Variants in ADCK2 observed in about 807,000 individuals in gnomAD.
ADCK2 encodes the protein uncharacterized aarF domain-containing protein kinase 2.
Under a neutral mutation model 52.3 loss-of-function variants are expected in ADCK2, and 37 were observed. The ratio of observed to expected loss-of-function variants is 0.71; its 90% CI spans 0.54 to 0.93. The LOEUF (loss-of-function observed/expected upper bound fraction) is 0.93. Among genes scored for constraint, ADCK2 ranks in the 40% least tolerant of loss-of-function variants. The pLI is 0.00. For synonymous variants in ADCK2, 321 were observed against 349.2 expected (o/e 0.92, Z 0.90); for missense variants, 695 against 798.7 (o/e 0.87, Z 1.56).
At position 140,673,672 on chromosome 7, in the gene ADCK2, A is replaced by ACTC; in HGVS notation, c.346_348dup (p.Leu116dup). On this transcript the variant is annotated inframe_insertion, in exon 1 of 8. Coordinates refer to ENST00000072869, the MANE Select transcript of ADCK2 (RefSeq NM_052853.4). The surrounding 1 kb of genome is among the most constrained non-coding windows in gnomAD (Gnocchi z 6.4). Reference sequence around the variant, plus strand: ...TGTTGGTGAAATTCTTCCCCCTCCTACTCCTCTACCCCCTCACCTACCTGG... The same window carrying ACTC: ...TGTTGGTGAAATTCTTCCCCCTCCTACTCCTCCTCTACCCCCTCACCTACCTGG... The ACTC allele has an allele frequency of 6.3e-7, 1 of 1,599,636 alleles. No homozygotes were observed. Among genetic ancestry groups the ACTC allele is most frequent in the Non-Finnish European group, 8.5e-7 (1 of 1,175,966 alleles).
At chr7:140,676,150 A>G (rs1398617600) in intron 2 of ADCK2, among the ~76,000 whole-genome samples, 2 of 152,230 alleles carry the variant, frequency 1.3e-5, no homozygotes, top group African/African-American at 4.8e-5. Flanking sequence ...AGGCATCGGC[A>G]GATTCGATGT....
At chr7:140,681,277 A>T in intron 4 of ADCK2, 140 bp downstream of exon 4, 1 of 709,818 alleles carries the variant, frequency 1.4e-6, no homozygotes, top group Non-Finnish European at 2.4e-6. Context: ...GTCTAGAAAG[A>T]GTGGAGGCTA....
In ADCK2 at chr7:140,674,005, G is replaced by T. The variant is rs1255519887; in HGVS notation, c.675G>T (p.Glu225Asp). ...CATACGCCAACACTGCCTTCCTGGA[G>T]ACTGACAGCGTCCAGAGACTTGGCA... Reference protein sequence around the residue: ...YKAYANTAFLETDSVQRLGRA... With the variant: ...YKAYANTAFLDTDSVQRLGRA... The change falls in exon 1 of 8, where the codon GAG becomes GAT. Residue 225 changes from glutamate to aspartate, a missense_variant. Coordinates refer to ENST00000072869, the MANE Select transcript of ADCK2 (RefSeq NM_052853.4). This position sits in a 1 kb window ranked among gnomAD's most constrained non-coding sequence, Gnocchi z 4.6. 1 of 1,614,016 alleles carries T rather than the reference G, an allele frequency of 6.2e-7. No homozygotes were observed. The highest frequency in any genetic ancestry group is 1.3e-5 in the African/African-American group (1 of 74,936).
In ADCK2 at chr7:140,693,518, T is replaced by C. The variant is rs563073240; in HGVS notation, c.1741-1145T>C. 1.6e-4 allele frequency among the ~76,000 whole-genome samples: 24 copies of C among 152,368 alleles called. 1 individual carries two copies. The South Asian group carries it at 5.0e-3, about 32-fold the overall frequency. ...TCTTCTAGGTTTACATCTGGCTCTA[T>C]TCCTCCTCACTCAGTGGCCTTGAGC... On this transcript the variant is annotated intron_variant, in intron 7 of 7. Transcript: ENST00000072869. This position sits in a 1 kb window ranked among gnomAD's most constrained non-coding sequence, Gnocchi z 4.0.
intron 3 of ADCK2, among the ~76,000 whole-genome samples, chr7:140,680,123 G>T (rs1794490783): frequency 6.6e-6 from 1 of 151,902 alleles, no homozygotes; most frequent in African/African-American, 2.4e-5. Context: ...GGGATAACAA[G>T]ATCTATCTCC....
At chr7:140,687,578 G>A (rs1794626667) in intron 5 of ADCK2, among the ~76,000 whole-genome samples, 1 of 152,140 alleles carries the variant, frequency 6.6e-6, no homozygotes, top group Non-Finnish European at 1.5e-5. Flanking sequence ...GCCAGGCATG[G>A]TGGTGTGTAC....
In ADCK2 at chr7:140,674,131, C is replaced by G. The variant is rs1801690509; in HGVS notation, c.801C>G (p.Leu267=). The G allele has an allele frequency of 1.2e-6, 2 of 1,613,982 alleles. No homozygotes were observed. The highest frequency in any genetic ancestry group is 1.7e-6 in the Non-Finnish European group (2 of 1,180,030). Residue 267 remains leucine, a synonymous_variant, in exon 1 of 8, where the codon CTC becomes CTG. Transcript: ENST00000072869. The surrounding 1 kb of genome is among the most constrained non-coding windows in gnomAD (Gnocchi z 4.6). ...ATGGCCGGAAACCTCCAGAAAATCT[C>G]GCAGACCAGTCGTTTCTAGAAAGGC... The part of the protein sequence containing the change: ...LGNGRKPPEN[L]ADQSFLERLL...
intron 2 of ADCK2, among the ~76,000 whole-genome samples, chr7:140,675,419 A>G (rs1167599934): frequency 6.6e-6 from 1 of 152,188 alleles, no homozygotes; most frequent in East Asian, 1.9e-4. Flanking sequence ...TGCTGAGATG[A>G]CAGAACTAAG....
intron 7 of ADCK2, among the ~76,000 whole-genome samples, chr7:140,691,874 C>T (rs1307656418): frequency 6.6e-6 from 1 of 152,236 alleles, no homozygotes; most frequent in East Asian, 1.9e-4. Context: ...GTCCTCCCGC[C>T]TCCGTGGCTC....
Position 140,681,048 on chromosome 7 carries a change from G to A in ADCK2, c.1216G>A (p.Val406Met). 6.2e-7 allele frequency: 1 copy of A among 1,614,112 alleles called. No individual in the cohort carries two copies. Among genetic ancestry groups the A allele is most frequent in the South Asian group, 1.1e-5 (1 of 91,080 alleles). Residue 406 changes from valine to methionine, a missense_variant, in exon 4 of 8, where the codon GTG becomes ATG. Physicochemically the swap from Val to Met is conservative, Grantham distance 21 (BLOSUM62 1). Coordinates refer to ENST00000072869, the MANE Select transcript of ADCK2 (RefSeq NM_052853.4). ...CTCCCTGGTCTTTCTGAAGGAGAGT[G>A]TGCCTGTGTCCAGTTACCAGCAGGC... ...EVLVETYEES[V>M]PVSSYQQAGI... is the part of the protein sequence containing the mutation.
chr7:140,678,543 G>A lies in ADCK2; in HGVS notation c.1081-612G>A, dbSNP rs1203045236. Among the ~76,000 whole-genome samples, 1 of 152,192 alleles carries A rather than the reference G, an allele frequency of 6.6e-6. No individual in the cohort carries two copies. Among genetic ancestry groups the A allele is most frequent in the Non-Finnish European group, 1.5e-5 (1 of 68,026 alleles). On this transcript the variant is annotated intron_variant, in intron 2 of 7. Transcript: ENST00000072869. The surrounding 1 kb of genome is among the most constrained non-coding windows in gnomAD (Gnocchi z 4.9). ...AGACCCAGCCAAGACAGGACAGCGA[G>A]AGGCAGCAGGGGTGCCAGGAGAGTG...
intron 3 of ADCK2, 149 bp from the exon 4 acceptor site, chr7:140,680,893 C>T (rs1014015641): frequency 5.8e-6 from 4 of 689,504 alleles, no homozygotes; most frequent in Non-Finnish European, 1.0e-5. Context: ...CTGCACATGG[C>T]TGAATGACAG....
In ADCK2 at chr7:140,694,867, T is replaced by A. The variant is rs1794773259; in HGVS notation, c.*64T>A. 19 of 1,534,506 alleles carry A rather than the reference T, an allele frequency of 1.2e-5. No individual in the cohort carries two copies. The highest frequency in any genetic ancestry group is 1.7e-5 in the Non-Finnish European group (19 of 1,143,358). ...AGGCCACTCCCAAGAGCCTCTCCTATGGCAGCTGGGACGTTTTAAAATTGG... is the reference window on the plus strand; with the variant it reads ...AGGCCACTCCCAAGAGCCTCTCCTAAGGCAGCTGGGACGTTTTAAAATTGG... On this transcript the variant is annotated 3_prime_UTR_variant, in exon 8 of 8. Coordinates refer to ENST00000072869, the MANE Select transcript of ADCK2 (RefSeq NM_052853.4).
At chr7:140,691,515 C>A (rs1283262374) in intron 7 of ADCK2, among the ~76,000 whole-genome samples, 1 of 152,102 alleles carries the variant, frequency 6.6e-6, no homozygotes, top group Non-Finnish European at 1.5e-5. Flanking sequence ...TGTCCTGGTG[C>A]TTTCAGAGGC....
Position 140,689,659 on chromosome 7 carries a change from G to A in ADCK2, c.1620G>A (p.Glu540=), listed in dbSNP as rs752883985. ...GGGCCAGCGAGTGCAGGGACGTGGA[G>A]GGGTTCAAAACCGAGATGGCCATGC... ...HARASECRDV[E]GFKTEMAMLV... is the part of the protein sequence containing the mutation. Residue 540 remains glutamate, a synonymous_variant, in exon 6 of 8, where the codon GAG becomes GAA. Transcript: ENST00000072869. 6.2e-7 allele frequency: 1 copy of A among 1,613,692 alleles called. No individual in the cohort carries two copies. The highest frequency in any genetic ancestry group is 1.6e-4 in the Middle Eastern group (1 of 6,084).
At chr7:140,676,400 T>C (rs746243406) in intron 2 of ADCK2, among the ~76,000 whole-genome samples, 1 of 152,236 alleles carries the variant, frequency 6.6e-6, no homozygotes, top group Non-Finnish European at 1.5e-5. Flanking sequence ...CAGAGCAATG[T>C]AATTTGATAA....
chr7:140,694,285 AAAAT>A (rs1187479550), intron 7 of ADCK2, among the ~76,000 whole-genome samples: 3 of 152,212 alleles, frequency 2.0e-5, no homozygotes, highest in East Asian at 1.9e-4. Context: ...CCCTGTCTCT[AAAAT>A]AAATAAATAA....
chr7:140,685,014 G>T (rs998599177), intron 4 of ADCK2, among the ~76,000 whole-genome samples: 2 of 152,008 alleles, frequency 1.3e-5, no homozygotes, highest in South Asian at 2.1e-4. Flanking sequence ...TCCAGTTTTG[G>T]GGTCAGGATC....
Position 140,685,750 on chromosome 7 carries a change from C to T in ADCK2, c.1306-1240C>T, listed in dbSNP as rs377030589. On this transcript the variant is annotated intron_variant, in intron 4 of 7. Transcript: ENST00000072869. ...GGGCCCCATGTCAGCTGGAAGCAGTCCCTGAGAGCCCGTCCACCAGCAGCT... is the reference window on the plus strand; with the variant it reads ...GGGCCCCATGTCAGCTGGAAGCAGTTCCTGAGAGCCCGTCCACCAGCAGCT... Among the ~76,000 whole-genome samples, 377 of 152,280 alleles carry T rather than the reference C, an allele frequency of 2.5e-3. 2 individuals carry two copies. Among genetic ancestry groups the T allele is most frequent in the African/African-American group, 8.7e-3 (362 of 41,554 alleles).
Sources: gnomAD v4.1 joint callset for allele counts (sites outside exome capture counted in the v4.1 genomes callset) on GRCh38, gnomAD v4.1.1 for gene constraint, Gnocchi (gnomAD v3.1) non-coding constraint, MANE v1.5 for transcripts, NCBI Gene and HGNC (gene_info 2026-07-23, HGNC 2026-07-21) for gene names.